Variants in TARBP1 observed in about 807,000 individuals in gnomAD.
TARBP1 encodes tRNA guanosine 2 -O-methyltransferase TARBP1.
A neutral mutation model predicts 178.6 loss-of-function variants in TARBP1; 144 were observed. The ratio of observed to expected loss-of-function variants is 0.81; its 90% CI spans 0.70 to 0.93. TARBP1 has a LOEUF of 0.93. Among genes scored for constraint, TARBP1 ranks in the 40% least tolerant of loss-of-function variants. TARBP1 has a pLI of 0.00. For synonymous variants in TARBP1, 787 were observed against 781.0 expected (o/e 1.01, Z -0.13); for missense variants, 2,067 against 2,011.7 (o/e 1.03, Z -0.53).
At chr1:234,395,084 C>T (rs1165155712) in intron 26 of TARBP1, among the ~76,000 whole-genome samples, 1 of 152,020 alleles carries the variant, frequency 6.6e-6, no homozygotes, top group East Asian at 1.9e-4. Flanking sequence ...ATTAGCCAGG[C>T]ATGGTGGTAG....
intron 22 of TARBP1, among the ~76,000 whole-genome samples, chr1:234,415,024 C>T (rs1208937957): frequency 1.3e-5 from 2 of 151,940 alleles, no homozygotes; most frequent in East Asian, 3.9e-4. Context: ...AAAAACTAAA[C>T]CTCTGGAACA....
intron 22 of TARBP1, among the ~76,000 whole-genome samples, chr1:234,413,892 C>A (rs1662127240): frequency 6.6e-6 from 1 of 152,160 alleles, no homozygotes. Context: ...AGGACCTGGT[C>A]ACGAATCAGA....
intron 12 of TARBP1, among the ~76,000 whole-genome samples, chr1:234,440,465 G>C (rs1335873363): frequency 6.6e-6 from 1 of 151,630 alleles, no homozygotes; most frequent in Non-Finnish European, 1.5e-5. Context: ...CAGAGACAGA[G>C]AGAGAGTGCA....
chr1:234,422,231 C>T (rs1196410329), intron 20 of TARBP1, among the ~76,000 whole-genome samples: 3 of 152,276 alleles, frequency 2.0e-5, no homozygotes, highest in Middle Eastern at 6.8e-3. Flanking sequence ...AGCTCAAAAT[C>T]TTCTTCTGTC....
At chr1:234,475,772 A>C (rs1203099151) in intron 1 of TARBP1, among the ~76,000 whole-genome samples, 1 of 152,226 alleles carries the variant, frequency 6.6e-6, no homozygotes, top group Non-Finnish European at 1.5e-5. Context: ...GGAGGGACGA[A>C]GCCTTGGCTG....
At chr1:234,402,828 C>T (rs1452018186) in intron 24 of TARBP1, among the ~76,000 whole-genome samples, 2 of 152,040 alleles carry the variant, frequency 1.3e-5, no homozygotes, top group African/African-American at 2.4e-5. Flanking sequence ...TCAAGCAATC[C>T]ACTCACCTCG....
At chr1:234,420,162 C>A (rs1662924714) in intron 21 of TARBP1, among the ~76,000 whole-genome samples, 1 of 152,218 alleles carries the variant, frequency 6.6e-6, no homozygotes, top group Admixed American at 6.5e-5. Context: ...CTTGCCTCCT[C>A]AGGGAAGAAA....
intron 12 of TARBP1, among the ~76,000 whole-genome samples, chr1:234,438,249 A>G (rs1199008533): frequency 1.3e-5 from 2 of 152,174 alleles, no homozygotes; most frequent in Non-Finnish European, 2.9e-5. Flanking sequence ...ATAATCCAAA[A>G]TTACTAAACA....
chr1:234,430,376 A>G, intron 14 of TARBP1, 75 bp from the exon 15 acceptor site: 12 of 1,363,576 alleles, frequency 8.8e-6, no homozygotes, highest in African/African-American at 1.4e-5. Context: ...TTGCCAGTCT[A>G]TGGAAAGCTC....
chr1:234,475,709 C>T (rs1669507910), intron 1 of TARBP1, among the ~76,000 whole-genome samples: 1 of 152,238 alleles, frequency 6.6e-6, no homozygotes, highest in South Asian at 2.1e-4. Flanking sequence ...AAATGAAAAG[C>T]CCCTGCCTCA....
Position 234,478,984 on chromosome 1 carries a change from C to G in TARBP1, c.120G>C (p.Leu40=). The G allele has an allele frequency of 6.7e-7, 1 of 1,490,484 alleles. No individual in the cohort carries two copies. The highest frequency in any genetic ancestry group is 8.8e-7 in the Non-Finnish European group (1 of 1,130,304). The allele number at this position is 1,490,484 out of a possible 1,614,324, so 92.3% of individuals were successfully genotyped here. A position where few individuals can be genotyped will look rare whatever the true frequency, so the allele number is the denominator to read the frequency against. The stretch of plus-strand genomic sequence containing the variant: ...GCGCCTCCTCGTCCTCGAGCCGCTG[C>G]AGAAGGAAGCGCAGCGTCTCCACGC... ...AERVETLRFL[L]QRLEDEEARG... Residue 40 remains leucine (L), a synonymous_variant, in exon 1 of 30, where the codon CTG becomes CTC. Transcript: ENST00000040877.
At chr1:234,401,369 G>A (rs1480659395) in intron 24 of TARBP1, 107 bp from the exon 25 acceptor site, 1 of 763,674 alleles carries the variant, frequency 1.3e-6, no homozygotes, top group Non-Finnish European at 2.2e-6. Context: ...AGAAGGAACA[G>A]AAAATTTTAT....
Position 234,479,137 on chromosome 1 carries a change from C to G in TARBP1, c.-34G>C, listed in dbSNP as rs748589448. On this transcript the variant is annotated 5_prime_UTR_variant, in exon 1 of 30. Transcript: ENST00000040877. ...CGCCCGCGCCACCGGCCCGGGCTCC[C>G]AAAGGAAGGCGCCGGCGTGTGCGAT... is the stretch of plus-strand genomic sequence containing the variant. The G allele has an allele frequency of 1.3e-6, 2 of 1,495,642 alleles. No individual in the cohort carries two copies. Among genetic ancestry groups the G allele is most frequent in the South Asian group, 1.3e-5 (1 of 78,494 alleles). The allele number at this position is 1,495,642 out of a possible 1,614,324, so 92.6% of individuals were successfully genotyped here. A position where few individuals can be genotyped will look rare whatever the true frequency, so the allele number is the denominator to read the frequency against.
intron 6 of TARBP1, among the ~76,000 whole-genome samples, chr1:234,463,352 G>A (rs193195457): frequency 1.4e-4 from 22 of 152,268 alleles, no homozygotes; most frequent in Non-Finnish European, 1.6e-4. Flanking sequence ...TCGAACTCCT[G>A]ACCTCAGGTG....
At chr1:234,451,126 T>A (rs1049155263) in intron 9 of TARBP1, among the ~76,000 whole-genome samples, 1 of 152,210 alleles carries the variant, frequency 6.6e-6, no homozygotes, top group Non-Finnish European at 1.5e-5. Flanking sequence ...CATATTAATT[T>A]AAAAGAGAAA....
intron 1 of TARBP1, 105 bp downstream of exon 1, chr1:234,478,058 AATTCTGCATG>A: frequency 9.4e-7 from 1 of 1,066,722 alleles, no homozygotes; most frequent in Non-Finnish European, 1.3e-6. Context: ...GGAATAACCA[AATTCTGCATG>A]GATCGGAGTG....
At chr1:234,434,544 T>G (rs1664807952) in intron 13 of TARBP1, among the ~76,000 whole-genome samples, 1 of 152,154 alleles carries the variant, frequency 6.6e-6, no homozygotes, top group Non-Finnish European at 1.5e-5. Flanking sequence ...TGGTGGGACA[T>G]TCACTGCGAC....
At chr1:234,456,632 C>T (rs193234481) in intron 9 of TARBP1, among the ~76,000 whole-genome samples, 2 of 151,846 alleles carry the variant, frequency 1.3e-5, no homozygotes, top group East Asian at 3.9e-4. Context: ...TATGTGAATA[C>T]AAAAAAATAA....
At chr1:234,473,275 C>T (rs1004120185) in intron 1 of TARBP1, among the ~76,000 whole-genome samples, 4 of 152,170 alleles carry the variant, frequency 2.6e-5, no homozygotes, top group Admixed American at 6.5e-5. Context: ...AAGGAAGTGG[C>T]TGCAAAAGTT....
Sources: allele counts gnomAD v4.1 joint callset (sites outside exome capture counted in the v4.1 genomes callset), GRCh38; gene constraint gnomAD v4.1.1; transcripts MANE v1.5; gene names NCBI Gene and HGNC (gene_info 2026-07-23, HGNC 2026-07-21).